Variants in GGT1 observed in about 807,000 individuals in gnomAD.
GGT1 encodes the protein glutathione hydrolase 1 proenzyme.
Under a neutral mutation model 56.0 loss-of-function variants are expected in GGT1, and 21 were observed. That is an observed-to-expected ratio of 0.38 (90% CI 0.27 to 0.54). The LOEUF (loss-of-function observed/expected upper bound fraction) is 0.54, where lower values mean the gene tolerates loss of function less well. Ranked by LOEUF, GGT1 falls within the 20% of genes least tolerant of loss-of-function variation. GGT1 has a pLI of 0.82. For synonymous variants in GGT1, 238 were observed against 342.6 expected (o/e 0.69, Z 3.37); for missense variants, 466 against 787.0 (o/e 0.59, Z 4.88).
chr22:24,589,329 C>A, the GGT1 span: 1 of 1,168,886 alleles, frequency 8.6e-7, no homozygotes, highest in Non-Finnish European at 1.1e-6. Flanking sequence ...TTGCTTATGA[C>A]CCCAGCTGTT....
upstream of GGT1, among the ~76,000 whole-genome samples, chr22:24,601,210 G>C (rs9624506): frequency 0.067 from 8,756 of 130,666 alleles, 771 homozygotes; most frequent in African/African-American, 0.21. Flanking sequence ...CATCTGGACC[G>C]ATCCGCATTG....
intron 10 of GGT1, 64 bp from the exon 11 acceptor site, chr22:24,623,716 T>C: frequency 6.8e-7 from 1 of 1,477,056 alleles, no homozygotes; most frequent in East Asian, 2.3e-5. Flanking sequence ...AGGCAGGTGT[T>C]AACCCTCTGA....
At chr22:24,589,335 C>T in the GGT1 span, 1 of 1,164,318 alleles carries the variant, frequency 8.6e-7, no homozygotes, top group Non-Finnish European at 1.1e-6. Flanking sequence ...ATGACCCCAG[C>T]TGTTGTAGGG....
the GGT1 span, chr22:24,585,988 A>G: frequency 6.2e-7 from 1 of 1,610,744 alleles, no homozygotes. Flanking sequence ...CCTCAGGCTC[A>G]AGGTCCAGGC....
upstream of GGT1, chr22:24,592,929 C>A: frequency 8.0e-7 from 1 of 1,244,054 alleles, no homozygotes; most frequent in East Asian, 3.3e-5. Flanking sequence ...TGGACTGGAT[C>A]TCGCGGAGCC....
intron 4 of GGT1, 140 bp from the exon 5 acceptor site, chr22:24,610,935 G>T (rs2046614006): frequency 1.4e-6 from 1 of 697,806 alleles, no homozygotes; most frequent in Non-Finnish European, 2.5e-6. Context: ...GGGCCGGACA[G>T]CCTGCACGTA....
chr22:24,603,021 C>G (rs1372857541), upstream of GGT1: 3 of 152,422 alleles, frequency 2.0e-5, no homozygotes, highest in African/African-American at 7.2e-5. Context: ...CTCAGAGACA[C>G]CTGCAGCCTG....
chr22:24,588,799 C>A, the GGT1 span: 78 of 1,016,686 alleles, frequency 7.7e-5, no homozygotes, highest in Non-Finnish European at 8.6e-5. Flanking sequence ...CCAAGCGAGA[C>A]TGCGCCTGCG....
rs201005113 is a variant in GGT1, at chr22:24,614,444, C to T, written c.165-332C>T. ...CAGCCTGGCCAACATGGTGAAACCC[C>T]GTCTCTACTAAAAATACAAAAATTA... On this transcript the variant is annotated intron_variant, in intron 5 of 15. Coordinates refer to ENST00000400382, the MANE Select transcript of GGT1 (RefSeq NM_001288833.2). Among the ~76,000 whole-genome samples, 10 of 149,444 alleles carry T rather than the reference C, an allele frequency of 6.7e-5. No homozygotes were observed. The East Asian group carries it at 1.6e-3, about 23-fold the overall frequency.
chr22:24,588,640 C>T, the GGT1 span: 314 of 1,118,512 alleles, frequency 2.8e-4, no homozygotes, highest in Non-Finnish European at 3.4e-4. Context: ...GGCTATCAGC[C>T]GGCTGCCTGC....
At chr22:24,624,329 C>G in intron 11 of GGT1, 1 of 985,260 alleles carries the variant, frequency 1.0e-6, no homozygotes, top group Non-Finnish European at 1.2e-6. Context: ...ACCCTCAGCC[C>G]TGCACCACCT....
chr22:24,627,707 A>T, intron 12 of GGT1, 88 bp downstream of exon 12: 2 of 1,563,790 alleles, frequency 1.3e-6, no homozygotes, highest in South Asian at 2.3e-5. Flanking sequence ...TGGCTCCGTC[A>T]CCTCTTTTCC....
At chr22:24,596,948 A>C (rs1445823614) in intron 1 of GGT1, among the ~76,000 whole-genome samples, 2 of 145,944 alleles carry the variant, frequency 1.4e-5, no homozygotes, top group Non-Finnish European at 3.0e-5. Flanking sequence ...AACTGAAGCT[A>C]CTGGATTTAG....
intron 1 of GGT1, among the ~76,000 whole-genome samples, chr22:24,604,711 C>G (rs1363816647): frequency 2.0e-5 from 3 of 151,922 alleles, no homozygotes; most frequent in African/African-American, 7.3e-5. Flanking sequence ...TAGGTGCCCT[C>G]TCTGCATTCA....
chr22:24,600,791 C>T (rs1379769065), upstream of GGT1, among the ~76,000 whole-genome samples: 1 of 152,212 alleles, frequency 6.6e-6, no homozygotes, highest in African/African-American at 2.4e-5. Context: ...CCCTGCTTCT[C>T]TGCTCTGTGA....
At position 24,619,407 on chromosome 22, in the gene GGT1, A is replaced by G. The variant is rs370376345; in HGVS notation, c.383-921A>G. 3.0e-3 allele frequency among the ~76,000 whole-genome samples: 445 copies of G among 150,660 alleles called. 1 individual carries two copies. The highest frequency in any genetic ancestry group is 8.1e-3 in the African/African-American group (334 of 41,150). On this transcript the variant is annotated intron_variant, in intron 7 of 15. Coordinates refer to ENST00000400382, the MANE Select transcript of GGT1 (RefSeq NM_001288833.2). Reference sequence around the variant, plus strand: ...GAGTGAAACTCCATCTCAGAAAAAAAAAAAAAAAAAAAAAAGCCCTGTGTA... The same window carrying G: ...GAGTGAAACTCCATCTCAGAAAAAAGAAAAAAAAAAAAAAAGCCCTGTGTA...
At chr22:24,611,008 C>T (rs2046621731) in intron 4 of GGT1, 67 bp from the exon 5 acceptor site, 3 of 1,450,214 alleles carry the variant, frequency 2.1e-6, no homozygotes, top group South Asian at 2.5e-5. Flanking sequence ...AGACTGTGCC[C>T]TGTTGGGGAG....
chr22:24,590,608 T>C (rs1173154488), upstream of GGT1, among the ~76,000 whole-genome samples: 1 of 152,210 alleles, frequency 6.6e-6, no homozygotes, highest in East Asian at 1.9e-4. Context: ...GCTCTTCTTA[T>C]GACCCCTCAA....
the GGT1 span, chr22:24,589,571 T>C: frequency 2.0e-5 from 10 of 506,424 alleles, no homozygotes; most frequent in Non-Finnish European, 3.2e-5. Context: ...TGGTGCACAG[T>C]GCTGCCACAC....
Sources: gnomAD v4.1 joint callset for allele counts (sites outside exome capture counted in the v4.1 genomes callset) on GRCh38, gnomAD v4.1.1 for gene constraint, MANE v1.5 for transcripts, NCBI Gene and HGNC (gene_info 2026-07-23, HGNC 2026-07-21) for gene names.